The following GRIK4 variants were observed in gnomAD, a reference collection of about 807,000 sequenced individuals.
The protein encoded by GRIK4 is glutamate ionotropic receptor kainate type subunit 4.
GRIK4 carries 40 observed loss-of-function variants against 104.9 expected under a neutral mutation model. That is an observed-to-expected ratio of 0.38 (90% CI 0.30 to 0.50). GRIK4 has a LOEUF of 0.50. Among genes scored for constraint, GRIK4 ranks in the 20% least tolerant of loss-of-function variants. The pLI is 0.93. For missense variants in GRIK4, 1,047 were observed against 1,308.1 expected, an observed-to-expected ratio of 0.80 and a Z score of 3.08; for synonymous variants, 485 against 524.9, an observed-to-expected ratio of 0.92 and a Z score of 1.04.
Position 120,962,688 on chromosome 11 carries a change from G to A in GRIK4, c.2266+7G>A, listed in dbSNP as rs749668120. 102 of 1,592,344 alleles carry A rather than the reference G, an allele frequency of 6.4e-5. 2 individuals carry two copies. The East Asian group carries it at 1.8e-3, about 29-fold the overall frequency. On this transcript the variant is annotated splice_region_variant and intron_variant, in intron 18 of 20. Coordinates refer to ENST00000527524, the MANE Select transcript of GRIK4 (RefSeq NM_014619.5). ...GGGATTGGCATGCCAGTCGGTATGC[G>A]GGAGAGGAACAGCCTCTTTGGGTAG...
chr11:120,810,480 T>C (rs57802696), intron 4 of GRIK4, among the ~76,000 whole-genome samples: 16,796 of 152,144 alleles, frequency 0.11, 2,962 homozygotes, highest in African/African-American at 0.37. Flanking sequence ...CCTTCTGGCC[T>C]AGGAGCAAGA....
chr11:120,966,518 C>T (rs991612144), intron 18 of GRIK4, among the ~76,000 whole-genome samples: 4 of 152,124 alleles, frequency 2.6e-5, no homozygotes, highest in African/African-American at 4.8e-5. Context: ...GCTACAGGTG[C>T]GCACCATCAC....
At chr11:120,735,256 A>G (rs1225854435) in intron 3 of GRIK4, among the ~76,000 whole-genome samples, 2 of 152,208 alleles carry the variant, frequency 1.3e-5, no homozygotes, top group South Asian at 2.1e-4. Flanking sequence ...CTTGGGCCCC[A>G]AGCCTAGTAA....
At chr11:120,782,412 A>C (rs1440014115) in intron 3 of GRIK4, among the ~76,000 whole-genome samples, 1 of 151,436 alleles carries the variant, frequency 6.6e-6, no homozygotes, top group Admixed American at 6.6e-5. Flanking sequence ...CAGCCTCCTG[A>C]GTAGCTGGGA....
intron 3 of GRIK4, among the ~76,000 whole-genome samples, chr11:120,754,839 T>C (rs1951625255): frequency 6.6e-6 from 1 of 152,232 alleles, no homozygotes; most frequent in African/African-American, 2.4e-5. Flanking sequence ...TGGAGATCTG[T>C]CTGTTCAGAT....
intron 1 of GRIK4, among the ~76,000 whole-genome samples, chr11:120,572,587 C>T (rs186072247): frequency 1.6e-4 from 24 of 152,258 alleles, no homozygotes; most frequent in East Asian, 1.5e-3. Flanking sequence ...CTCTCCCTCC[C>T]GTCTTTACAA....
intron 3 of GRIK4, among the ~76,000 whole-genome samples, chr11:120,717,522 C>T (rs113151749): frequency 1.1e-4 from 16 of 151,884 alleles, no homozygotes; most frequent in African/African-American, 3.9e-4. Context: ...CATAGAAAGA[C>T]ACCGCAGGGC....
At chr11:120,647,177 A>G (rs892694378) in intron 1 of GRIK4, among the ~76,000 whole-genome samples, 14 of 152,192 alleles carry the variant, frequency 9.2e-5, no homozygotes, top group Admixed American at 7.9e-4. Flanking sequence ...TTGGAGAACC[A>G]CCATACGCTC....
Position 120,660,376 on chromosome 11 carries a change from T to A in GRIK4, c.58T>A (p.Cys20Ser). The A allele has an allele frequency of 1.2e-6, 2 of 1,613,076 alleles. No individual in the cohort carries two copies. Among genetic ancestry groups the A allele is most frequent in the South Asian group, 2.2e-5 (2 of 91,080 alleles). ...LLPAWLVMVACSPHSLRIAAI... is the reference protein window; with the variant it reads ...LLPAWLVMVASSPHSLRIAAI... ...TCCTGCGTGGCTCGTGATGGTCGCC[T>A]GCAGCCCGCACTCCTTGAGGATCGG... The change falls in exon 3 of 21, where the codon TGC (cysteine) becomes AGC (serine). Residue 20 changes from cysteine (C) to serine (S), a missense_variant. Around this residue, in one of 3 missense-constraint regions of GRIK4, gnomAD observed 447 missense variants for 514.9 expected, o/e 0.87. Coordinates refer to ENST00000527524, the MANE Select transcript of GRIK4 (RefSeq NM_014619.5).
At chr11:120,770,028 C>T (rs1223782083) in intron 3 of GRIK4, among the ~76,000 whole-genome samples, 1 of 152,150 alleles carries the variant, frequency 6.6e-6, no homozygotes, top group Non-Finnish European at 1.5e-5. Context: ...ACACCCAAAC[C>T]CATACATTTT....
chr11:120,972,743 G>A (rs889765535), intron 19 of GRIK4, among the ~76,000 whole-genome samples: 11 of 152,136 alleles, frequency 7.2e-5, no homozygotes, highest in Non-Finnish European at 1.6e-4. Context: ...GGCTGTGGGT[G>A]GTACATGTGG....
At chr11:120,539,507 G>C (rs1948010554) in intron 1 of GRIK4, among the ~76,000 whole-genome samples, 1 of 152,178 alleles carries the variant, frequency 6.6e-6, no homozygotes, top group Non-Finnish European at 1.5e-5. Context: ...CCCAAGTTCA[G>C]TGCTCTTCCC....
chr11:120,747,822 C>A (rs1227377503), intron 3 of GRIK4, among the ~76,000 whole-genome samples: 1 of 152,184 alleles, frequency 6.6e-6, no homozygotes, highest in African/African-American at 2.4e-5. Flanking sequence ...GGCACAAAAT[C>A]TTTGCGTGTG....
Position 120,511,835 on chromosome 11 carries a change from G to A in GRIK4, c.-211G>A. The A allele has an allele frequency of 2.8e-6, 1 of 354,506 alleles. No homozygotes were observed. The allele number at this position is 354,506 out of a possible 1,614,324, so 22.0% of individuals were successfully genotyped here. A position where few individuals can be genotyped will look rare whatever the true frequency, so the allele number is the denominator to read the frequency against. On this transcript the variant is annotated 5_prime_UTR_variant, in exon 1 of 21. Coordinates refer to ENST00000527524, the MANE Select transcript of GRIK4 (RefSeq NM_014619.5). Reference sequence around the variant, plus strand: ...AACGGCCAACAGCAGCCCCGCGGCCGGCCCGGCAGCGCCCGGCCCCCGGCT... The same window carrying A: ...AACGGCCAACAGCAGCCCCGCGGCCAGCCCGGCAGCGCCCGGCCCCCGGCT...
chr11:120,977,740 C>T (rs1449870848), intron 19 of GRIK4, among the ~76,000 whole-genome samples: 1 of 152,194 alleles, frequency 6.6e-6, no homozygotes, highest in Non-Finnish European at 1.5e-5. Flanking sequence ...TTCAGTGACT[C>T]ATGGTTTCTA....
rs1308505781 is a variant in GRIK4, at chr11:120,836,697, C to T, written c.691-94C>T. 2.1e-5 allele frequency: 17 copies of T among 805,486 alleles called. No individual in the cohort carries two copies. In the Admixed American group the frequency reaches 2.8e-4, roughly 13 times the overall value. The allele number at this position is 805,486 out of a possible 1,614,324, so 49.9% of individuals were successfully genotyped here. On this transcript the variant is annotated intron_variant, in intron 7 of 20. Transcript: ENST00000527524. ...CTGCCTGGTGCCAAGGGGCAGTGGGCCAGACAAATGGTAGACACTTGGAAC... is the reference window on the plus strand; with the variant it reads ...CTGCCTGGTGCCAAGGGGCAGTGGGTCAGACAAATGGTAGACACTTGGAAC...
intron 1 of GRIK4, among the ~76,000 whole-genome samples, chr11:120,595,518 G>C (rs1948789221): frequency 1.3e-5 from 2 of 152,222 alleles, no homozygotes; most frequent in Admixed American, 6.5e-5. Flanking sequence ...TACTGACTGA[G>C]GGCGTGAATG....
At chr11:120,867,008 G>A (rs556518460) in intron 9 of GRIK4, among the ~76,000 whole-genome samples, 7 of 152,080 alleles carry the variant, frequency 4.6e-5, no homozygotes, top group South Asian at 2.1e-4. Context: ...ACTGAGGCAC[G>A]GACGTGCTGG....
chr11:120,864,078 G>A (rs1202248162), intron 9 of GRIK4, among the ~76,000 whole-genome samples: 1 of 152,070 alleles, frequency 6.6e-6, no homozygotes, highest in African/African-American at 2.4e-5. Context: ...ATGGTTTAAG[G>A]GACAGAGAGG....
Sources: gnomAD v4.1 joint callset for allele counts (sites outside exome capture counted in the v4.1 genomes callset) on GRCh38, gnomAD v4.1.1 for gene constraint, gnomAD v4.1.1 regional missense constraint, MANE v1.5 for transcripts, NCBI Gene and HGNC (gene_info 2026-07-23, HGNC 2026-07-21) for gene names.